Variants in DAAM1 observed in about 807,000 individuals in gnomAD.
DAAM1 encodes disheveled-associated activator of morphogenesis 1.
DAAM1 carries 52 observed loss-of-function variants against 130.0 expected under a neutral mutation model. That is an observed-to-expected ratio of 0.40 (90% CI 0.32 to 0.50). The LOEUF is 0.50. DAAM1 is among the 20% of genes least tolerant of loss of function. DAAM1 has a pLI of 0.61. For missense variants in DAAM1, 1,134 were observed against 1,303.8 expected (o/e 0.87, Z 2.01); for synonymous variants, 452 against 444.5 (o/e 1.02, Z -0.21).
intron 15 of DAAM1, among the ~76,000 whole-genome samples, chr14:59,336,565 TA>T (rs1885635115): frequency 6.6e-6 from 1 of 152,198 alleles, no homozygotes; most frequent in South Asian, 2.1e-4. Flanking sequence ...ATGTGCCAAG[TA>T]AAGGACTTTT....
Position 59,340,191 on chromosome 14 carries a change from T to C in DAAM1, c.2075+11T>C. The C allele has an allele frequency of 6.2e-7, 1 of 1,611,038 alleles. No homozygotes were observed. On this transcript the variant is annotated intron_variant, in intron 16 of 24. Coordinates refer to ENST00000360909, the MANE Select transcript of DAAM1 (RefSeq NM_001270520.2). ...CATCCTTCTATCGAGGTATTGTTGATGTTGAATAAACATTTCTAGTAGGAC... is the reference window on the plus strand; with the variant it reads ...CATCCTTCTATCGAGGTATTGTTGACGTTGAATAAACATTTCTAGTAGGAC...
chr14:59,315,512 G>A (rs1204168495), intron 4 of DAAM1, among the ~76,000 whole-genome samples, 161 bp downstream of exon 4: 10 of 152,172 alleles, frequency 6.6e-5, no homozygotes, highest in Admixed American at 6.5e-4. Flanking sequence ...AAAGAGGGTA[G>A]GAGGGATACT....
At chr14:59,295,910 G>A (rs1401141366) in intron 3 of DAAM1, among the ~76,000 whole-genome samples, 2 of 152,154 alleles carry the variant, frequency 1.3e-5, no homozygotes, top group East Asian at 1.9e-4. Flanking sequence ...AGTGAGCATT[G>A]GATTTCCAGG....
intron 17 of DAAM1, among the ~76,000 whole-genome samples, chr14:59,348,142 T>G: frequency 6.6e-6 from 1 of 152,212 alleles, no homozygotes; most frequent in East Asian, 1.9e-4. Flanking sequence ...GGGCTAAGTC[T>G]TAACCTCCGT....
chr14:59,207,526 A>C (rs1888297032), intron 1 of DAAM1, among the ~76,000 whole-genome samples: 1 of 152,382 alleles, frequency 6.6e-6, no homozygotes, highest in East Asian at 1.9e-4. Context: ...CATTTAAAAC[A>C]TATCAATAAT....
chr14:59,216,655 G>A (rs1380817729), intron 1 of DAAM1, among the ~76,000 whole-genome samples: 1 of 152,088 alleles, frequency 6.6e-6, no homozygotes, highest in African/African-American at 2.4e-5. Context: ...GGGAGGCAGA[G>A]GTTGCAGTGA....
At chr14:59,236,300 G>T (rs1944410543) in intron 1 of DAAM1, among the ~76,000 whole-genome samples, 2 of 152,008 alleles carry the variant, frequency 1.3e-5, no homozygotes, top group Non-Finnish European at 2.9e-5. Context: ...AGGACCTGAA[G>T]ATGGGAAATC....
At chr14:59,310,699 A>T (rs1283925985) in intron 3 of DAAM1, among the ~76,000 whole-genome samples, 1 of 152,226 alleles carries the variant, frequency 6.6e-6, no homozygotes, top group Non-Finnish European at 1.5e-5. Flanking sequence ...TATATTTGAG[A>T]TGATGGTATT....
chr14:59,327,373 T>G (rs1376479407), intron 12 of DAAM1, among the ~76,000 whole-genome samples: 1 of 148,976 alleles, frequency 6.7e-6, no homozygotes, highest in Non-Finnish European at 1.5e-5. Flanking sequence ...ATCCAAAATT[T>G]TAAAAGAGAA....
In DAAM1 at chr14:59,324,105, CTTTG is replaced by C. The variant is rs757243799; in HGVS notation, c.775-19_775-16del. 1.2e-4 allele frequency: 166 copies of C among 1,344,760 alleles called. No individual in the cohort carries two copies. The highest frequency in any genetic ancestry group is 6.0e-4 in the East Asian group (23 of 38,100). The allele number at this position is 1,344,760 out of a possible 1,614,324, so 83.3% of individuals were successfully genotyped here. A position where few individuals can be genotyped will look rare whatever the true frequency, so the allele number is the denominator to read the frequency against. ...GCATAAGGTTAGTAACGTTTCAGTC[CTTTG>C]TTTTTCTATTTTTGATAGACATTAA... On this transcript the variant is annotated intron_variant, in intron 6 of 24. Coordinates refer to ENST00000360909, the MANE Select transcript of DAAM1 (RefSeq NM_001270520.2).
intron 8 of DAAM1, among the ~76,000 whole-genome samples, chr14:59,325,007 C>CA (rs1428795256): frequency 5.3e-5 from 8 of 152,162 alleles, no homozygotes; most frequent in Non-Finnish European, 1.2e-4. Flanking sequence ...TCATATACTC[C>CA]AACATGCTCT....
In DAAM1 at chr14:59,281,398, C is replaced by A. The variant is rs1883212513; in HGVS notation, c.184-9819C>A. ...GTATTTAAAGGCAGGACGCTTTGTG[C>A]CCCTTCCCCAAGCTAGCTTTGGAGT... On this transcript the variant is annotated intron_variant, in intron 2 of 24. Transcript: ENST00000360909. Among the ~76,000 whole-genome samples, 3 of 152,176 alleles carry A rather than the reference C, an allele frequency of 2.0e-5. 1 individual carries two copies. In the South Asian group the frequency reaches 6.2e-4, roughly 32 times the overall value.
intron 3 of DAAM1, among the ~76,000 whole-genome samples, chr14:59,302,874 G>A (rs868288122): frequency 3.2e-4 from 49 of 152,080 alleles, no homozygotes; most frequent in African/African-American, 1.1e-3. Context: ...GGCTGGTCTC[G>A]AAGTCCTGAC....
chr14:59,287,291 G>A (rs917697211), intron 2 of DAAM1, among the ~76,000 whole-genome samples: 4 of 151,966 alleles, frequency 2.6e-5, no homozygotes, highest in African/African-American at 9.7e-5. Context: ...CCTCAAAATA[G>A]CAAGAGCCAT....
At position 59,346,435 on chromosome 14, in the gene DAAM1, G is replaced by A. The variant is rs149794092; in HGVS notation, c.2076-1104G>A. Among the ~76,000 whole-genome samples, 23 of 152,222 alleles carry A rather than the reference G, an allele frequency of 1.5e-4. No individual in the cohort carries two copies. In the East Asian group the frequency reaches 2.1e-3, roughly 14 times the overall value. On this transcript the variant is annotated intron_variant, in intron 16 of 24. Coordinates refer to ENST00000360909, the MANE Select transcript of DAAM1 (RefSeq NM_001270520.2). Reference sequence around the variant, plus strand: ...AGAACAAATCAAGTCATGTTAATACGCCACATTAGTTATAGGTTGTAAGGA... The same window carrying A: ...AGAACAAATCAAGTCATGTTAATACACCACATTAGTTATAGGTTGTAAGGA...
rs1433302305 is a variant in DAAM1, at chr14:59,352,564, A to G, written c.2199A>G (p.Leu733=). The change falls in exon 18 of 25, where the codon CTA becomes CTG. Residue 733 remains leucine (L), a synonymous_variant. Transcript: ENST00000360909. ...TTCCTGAAAAAAGTGACATTGACCT[A>G]TTGGAGGAACATAAACACGAACTGG... ...KFVPEKSDID[L]LEEHKHELDR... is the part of the protein sequence containing the mutation. The G allele has an allele frequency of 3.1e-6, 5 of 1,613,556 alleles. No individual in the cohort carries two copies. Among genetic ancestry groups the G allele is most frequent in the South Asian group, 1.1e-5 (1 of 90,904 alleles).
At chr14:59,192,149 G>GGT (rs55791691) in intron 1 of DAAM1, among the ~76,000 whole-genome samples, 27,031 of 138,322 alleles carry the variant, frequency 0.2, 2,543 homozygotes, top group Admixed American at 0.23. Flanking sequence ...CTTGTTAAGG[G>GGT]GTGTGTGTGT....
At chr14:59,291,533 G>T in intron 3 of DAAM1, 1 of 481,274 alleles carries the variant, frequency 2.1e-6, no homozygotes, top group South Asian at 2.7e-5. Flanking sequence ...TCATAATCAT[G>T]TGTAACTGAA....
chr14:59,210,757 G>C (rs1361021365), intron 1 of DAAM1, among the ~76,000 whole-genome samples: 1 of 152,114 alleles, frequency 6.6e-6, no homozygotes, highest in Non-Finnish European at 1.5e-5. Context: ...CTACAAAGAA[G>C]GCTTTTCTGA....
Sources: allele counts gnomAD v4.1 joint callset (sites outside exome capture counted in the v4.1 genomes callset), GRCh38; gene constraint gnomAD v4.1.1; transcripts MANE v1.5; gene names NCBI Gene and HGNC (gene_info 2026-07-23, HGNC 2026-07-21).